The following CRYL1 variants were observed in gnomAD, a reference collection of about 807,000 sequenced individuals.
CRYL1 encodes the protein crystallin lambda 1.
A neutral mutation model predicts 36.6 loss-of-function variants in CRYL1; 29 were observed. The observed-to-expected ratio is 0.79, with a 90% confidence interval of 0.59 to 1.08. CRYL1 has a LOEUF of 1.08. CRYL1 is among the 50% of genes least tolerant of loss of function. The pLI is 0.00. For missense variants in CRYL1, 411 were observed against 407.9 expected, an observed-to-expected ratio of 1.01 and a Z score of -0.06; for synonymous variants, 152 against 151.5, an observed-to-expected ratio of 1.00 and a Z score of -0.02.
chr13:20,477,917 G>T, intron 3 of CRYL1, among the ~76,000 whole-genome samples: 1 of 143,362 alleles, frequency 7.0e-6, no homozygotes. Context: ...ATGTATTATA[G>T]TATATATTAC....
At chr13:20,424,336 T>C (rs936371417) in intron 5 of CRYL1, among the ~76,000 whole-genome samples, 4 of 151,996 alleles carry the variant, frequency 2.6e-5, no homozygotes, top group African/African-American at 9.7e-5. Flanking sequence ...TGGACTCTGT[T>C]GGAAAGGAGC....
intron 3 of CRYL1, among the ~76,000 whole-genome samples, chr13:20,459,215 G>A (rs1379064268): frequency 3.2e-5 from 4 of 123,930 alleles, no homozygotes; most frequent in Admixed American, 1.1e-4. Context: ...CAGCCTGGGC[G>A]ACAGAGCGAG....
chr13:20,467,108 C>T (rs1024861635), intron 3 of CRYL1, among the ~76,000 whole-genome samples: 5 of 47,818 alleles, frequency 1.0e-4, no homozygotes, highest in Non-Finnish European at 2.1e-4. Flanking sequence ...CCACCACGCC[C>T]GGCTGATTTT....
chr13:20,474,569 T>C (rs2033126130), intron 3 of CRYL1, among the ~76,000 whole-genome samples: 1 of 131,354 alleles, frequency 7.6e-6, no homozygotes, highest in African/African-American at 2.6e-5. Context: ...GTAATATTTT[T>C]CCACAGCCAA....
chr13:20,489,409 G>A lies in CRYL1; in HGVS notation c.237C>T (p.Pro79=). 3.1e-6 allele frequency: 5 copies of A among 1,613,542 alleles called. No individual in the cohort carries two copies. Among genetic ancestry groups the A allele is most frequent in the Non-Finnish European group, 4.2e-6 (5 of 1,180,024 alleles). ...CACCCTCTACTGCTTCTTGGATATT[G>A]GGACAACCACTGATGAGTGACAGCT... ...EEQLSLISGC[P]NIQEAVEGAM... Residue 79 remains proline (P), a synonymous_variant, in exon 3 of 8, where the codon CCC becomes CCT. Transcript: ENST00000298248.
chr13:20,487,632 G>A (rs183675019), intron 3 of CRYL1, among the ~76,000 whole-genome samples: 4 of 151,986 alleles, frequency 2.6e-5, no homozygotes, highest in Non-Finnish European at 4.4e-5. Context: ...CTAAACTCAC[G>A]GCTGGGAACA....
intron 3 of CRYL1, among the ~76,000 whole-genome samples, chr13:20,443,981 G>T (rs940665296): frequency 6.6e-6 from 1 of 152,186 alleles, no homozygotes; most frequent in African/African-American, 2.4e-5. Context: ...GTTAGCACTA[G>T]TTACATCTCT....
At chr13:20,497,481 C>CAAT (rs202053840) in intron 2 of CRYL1, among the ~76,000 whole-genome samples, 2 of 782 alleles carry the variant, frequency 2.6e-3, no homozygotes, top group African/African-American at 3.9e-3. Flanking sequence ...CACACCACCA[C>CAAT]ACACACAACT....
chr13:20,448,868 A>G (rs956060659), intron 3 of CRYL1, among the ~76,000 whole-genome samples: 3 of 152,232 alleles, frequency 2.0e-5, no homozygotes, highest in African/African-American at 7.2e-5. Flanking sequence ...TTGGATCTAC[A>G]CAAAGAAATA....
chr13:20,413,906 G>A (rs2137367354), intron 5 of CRYL1, among the ~76,000 whole-genome samples: 1 of 152,228 alleles, frequency 6.6e-6, no homozygotes, highest in East Asian at 1.9e-4. Flanking sequence ...TTGGCGTGGT[G>A]GCTCACACCT....
At chr13:20,516,437 C>G (rs1445148618) in intron 1 of CRYL1, among the ~76,000 whole-genome samples, 1 of 152,018 alleles carries the variant, frequency 6.6e-6, no homozygotes, top group African/African-American at 2.4e-5. Context: ...CCTCTTCAAG[C>G]CTCAGCACAT....
chr13:20,447,309 C>T (rs1398239467), intron 3 of CRYL1, among the ~76,000 whole-genome samples: 3 of 152,140 alleles, frequency 2.0e-5, no homozygotes, highest in Non-Finnish European at 4.4e-5. Flanking sequence ...TGACTAGAGA[C>T]AATAGCACAC....
At chr13:20,454,406 C>T (rs4769110) in intron 3 of CRYL1, among the ~76,000 whole-genome samples, 111,122 of 147,350 alleles carry the variant, frequency 0.75, 41,955 homozygotes, top group Admixed American at 0.82. Flanking sequence ...AAATTCAACC[C>T]CCATTCGTGT....
In CRYL1 at chr13:20,481,783, C is replaced by T. The variant is rs936985506; in HGVS notation, c.276+7587G>A. 3.3e-5 allele frequency among the ~76,000 whole-genome samples: 5 copies of T among 151,944 alleles called. No homozygotes were observed. The highest frequency in any genetic ancestry group is 9.7e-5 in the African/African-American group (4 of 41,374). ...AAACTTAGCCCGGCATGGTGGTGGG[C>T]GCCTATAATCCCAGCTACTTGGGAG... On this transcript the variant is annotated intron_variant, in intron 3 of 7. Coordinates refer to ENST00000298248, the MANE Select transcript of CRYL1 (RefSeq NM_015974.3). This position sits in a 1 kb window ranked among gnomAD's most constrained non-coding sequence, Gnocchi z 4.1.
intron 3 of CRYL1, among the ~76,000 whole-genome samples, chr13:20,472,463 C>T (rs777931171): frequency 1.2e-4 from 19 of 152,292 alleles, no homozygotes; most frequent in Middle Eastern, 3.4e-3. Flanking sequence ...CTAAGCACTA[C>T]GCATCGTAGC....
At chr13:20,410,750 T>G (rs1395582332) in intron 6 of CRYL1, among the ~76,000 whole-genome samples, 1 of 152,218 alleles carries the variant, frequency 6.6e-6, no homozygotes, top group Admixed American at 6.5e-5. Context: ...AGCTTCCATC[T>G]GGTTCAATTC....
chr13:20,494,763 T>C (rs1053120953), intron 2 of CRYL1, among the ~76,000 whole-genome samples: 1 of 152,212 alleles, frequency 6.6e-6, no homozygotes, highest in Non-Finnish European at 1.5e-5. Context: ...GAATGTCCCA[T>C]GGAGACAGCA....
chr13:20,472,468 C>T (rs1178769779), intron 3 of CRYL1, among the ~76,000 whole-genome samples: 7 of 152,140 alleles, frequency 4.6e-5, no homozygotes, highest in Non-Finnish European at 8.8e-5. Context: ...CACTACGCAT[C>T]GTAGCCATTT....
At chr13:20,486,615 T>C (rs2033406063) in intron 3 of CRYL1, among the ~76,000 whole-genome samples, 1 of 152,184 alleles carries the variant, frequency 6.6e-6, no homozygotes. Flanking sequence ...TAAACTCTCA[T>C]AGGAATTAAA....
Sources: allele counts gnomAD v4.1 joint callset (sites outside exome capture counted in the v4.1 genomes callset), GRCh38; gene constraint gnomAD v4.1.1; non-coding constraint Gnocchi (gnomAD v3.1); transcripts MANE v1.5; gene names NCBI Gene and HGNC (gene_info 2026-07-23, HGNC 2026-07-21).